NDUFA3: variants seen among roughly 807,000 people sequenced by gnomAD.
NDUFA3 encodes the protein NADH:ubiquinone oxidoreductase subunit A3.
Under a neutral mutation model 11.4 loss-of-function variants are expected in NDUFA3, and 10 were observed. That is an observed-to-expected ratio of 0.87 (90% CI 0.54 to 1.48). The LOEUF (loss-of-function observed/expected upper bound fraction) is 1.48. NDUFA3 is among the 40% of genes most tolerant of loss of function. The pLI is 0.00. For synonymous variants in NDUFA3, 39 were observed against 46.9 expected, an observed-to-expected ratio of 0.83 and a Z score of 0.68; for missense variants, 115 against 110.5, an observed-to-expected ratio of 1.04 and a Z score of -0.18.
At chr19:54,106,542 C>T (rs961626552) in intron 3 of NDUFA3, 3 of 448,542 alleles carry the variant, frequency 6.7e-6, no homozygotes, top group Non-Finnish European at 7.8e-6. Context: ...GTTTCTTGGT[C>T]TCCATCTTCT....
Position 54,105,996 on chromosome 19 carries a change from C to G in NDUFA3, c.148C>G (p.Pro50Ala), listed in dbSNP as rs587640804. The part of the protein sequence containing the change: ...KYSVMINKAT[P>A]YNYPVPVRDD... ...CTCCGTCATGATCAACAAGGCCACG[C>G]CCTACAACTACCCAGGTGAGTGGGG... is the stretch of plus-strand genomic sequence containing the variant. The change falls in exon 3 of 4, where the codon CCC becomes GCC. Residue 50 changes from proline to alanine, a missense_variant. Physicochemically the swap from Pro to Ala is conservative, Grantham distance 27 (BLOSUM62 -1). Transcript: ENST00000485876. 1.9e-6 allele frequency: 3 copies of G among 1,613,366 alleles called. No homozygotes were observed. Among genetic ancestry groups the G allele is most frequent in the Non-Finnish European group, 2.5e-6 (3 of 1,179,460 alleles).
intron 3 of NDUFA3, chr19:54,106,573 C>G (rs1471847066): frequency 4.3e-6 from 2 of 464,344 alleles, no homozygotes; most frequent in Non-Finnish European, 7.6e-6. Flanking sequence ...TCCTGTTTCC[C>G]CATCTCTTTT....
Position 54,107,305 on chromosome 19 carries a change from G to A in NDUFA3, c.*403G>A. 1 of 1,200,376 alleles carries A rather than the reference G, an allele frequency of 8.3e-7. No individual in the cohort carries two copies. Among genetic ancestry groups the A allele is most frequent in the Non-Finnish European group, 1.2e-6 (1 of 856,020 alleles). The allele number at this position is 1,200,376 out of a possible 1,614,324, so 74.4% of individuals were successfully genotyped here. ...ACTCTGTTGCCCAGGCTGGAGTGCA[G>A]TGGTGCCATCATAGTTCACTGCAGC... On this transcript the variant is annotated 3_prime_UTR_variant, in exon 4 of 4. Transcript: ENST00000485876.
rs1242109405 is a variant in NDUFA3, at chr19:54,105,933, GC to G, written c.86del (p.Ala29ValfsTer2). 2 of 1,611,936 alleles carry G rather than the reference GC, an allele frequency of 1.2e-6. No individual in the cohort carries two copies. On this transcript the variant is annotated frameshift_variant and splice_region_variant, in exon 3 of 4. Transcript: ENST00000485876. LOFTEE classifies it high-confidence loss of function. ...LVVSFVVGGL[A>X]VILPPLSPYF... ...GGCCTCACCCCTGTGTCTCTCCACA[GC>G]TGTAATTCTGCCCCCATTGAGCCCC...
At chr19:54,106,606 G>T in intron 3 of NDUFA3, 1 of 497,466 alleles carries the variant, frequency 2.0e-6, no homozygotes. Context: ...CTAGTGCGCG[G>T]GATCTCTCCC....
At chr19:54,105,884 T>C in intron 2 of NDUFA3, 50 bp from the exon 3 acceptor site, 1 of 1,506,986 alleles carries the variant, frequency 6.6e-7, no homozygotes. Context: ...TCTCTTCCCC[T>C]CTCTTCAGAG....
intron 2 of NDUFA3, 152 bp downstream of exon 2, chr19:54,103,340 T>C (rs2073149312): frequency 1.6e-5 from 12 of 757,012 alleles, no homozygotes; most frequent in Admixed American, 3.2e-5. Flanking sequence ...CCCATACCCA[T>C]TATAACCTCT....
chr19:54,106,903 G>C lies in NDUFA3; in HGVS notation c.*1G>C. 1 of 1,610,634 alleles carries C rather than the reference G, an allele frequency of 6.2e-7. No homozygotes were observed. Among genetic ancestry groups the C allele is most frequent in the Non-Finnish European group, 8.5e-7 (1 of 1,179,028 alleles). ...CCTGGAGTGGCTGAAGAAACTGTGA[G>C]CACCTCCACTGACAGAGGCGGCCCC... On this transcript the variant is annotated 3_prime_UTR_variant, in exon 4 of 4. Transcript: ENST00000485876.
At chr19:54,103,005 G>T in intron 1 of NDUFA3, 109 bp from the exon 2 acceptor site, 3 of 1,537,004 alleles carry the variant, frequency 2.0e-6, no homozygotes, top group Non-Finnish European at 2.7e-6. Flanking sequence ...TGCTGGAGGG[G>T]AACGCAGAAG....
rs748256838 is a variant in NDUFA3, at chr19:54,103,102, C to T, written c.11-12C>T. The T allele has an allele frequency of 1.9e-6, 3 of 1,611,340 alleles. No individual in the cohort carries two copies. In the South Asian group the frequency reaches 3.3e-5, roughly 18 times the overall value. On this transcript the variant is annotated splice_polypyrimidine_tract_variant and intron_variant, in intron 1 of 3. Transcript: ENST00000485876. ...CTACTTGCAGGGGTGACGCTTCTTG[C>T]CACCCCTTCAGGAGTCGGCGCCTTC...
chr19:54,106,067 GT>G (rs757426542), intron 3 of NDUFA3, 56 bp downstream of exon 3: 2 of 1,511,594 alleles, frequency 1.3e-6, no homozygotes, highest in East Asian at 4.5e-5. Flanking sequence ...CTGTGCTGGC[GT>G]AAGGGCAGTT....
chr19:54,106,458 C>T (rs748951381), intron 3 of NDUFA3: 17 of 352,438 alleles, frequency 4.8e-5, no homozygotes, highest in South Asian at 3.3e-4. Context: ...TGTGAGCCAC[C>T]GCGCCTGGCC....
intron 2 of NDUFA3, chr19:54,105,564 C>T (rs763948614): frequency 2.3e-5 from 10 of 442,494 alleles, no homozygotes; most frequent in Middle Eastern, 3.3e-4. Context: ...CCACTGTGCC[C>T]GGCCAAATTT....
Position 54,105,901 on chromosome 19 carries a change from TCCCCTGGGCCTCA to T in NDUFA3, c.86-26_86-14del, listed in dbSNP as rs2073245073. On this transcript the variant is annotated intron_variant, in intron 2 of 3. Coordinates refer to ENST00000485876, the MANE Select transcript of NDUFA3 (RefSeq NM_004542.4). ...TCTTCCCCTCTCTTCAGAGCCACCT[TCCCCTGGGCCTCA>T]CCCCTGTGTCTCTCCACAGCTGTAA... is the stretch of plus-strand genomic sequence containing the variant. 1.3e-6 allele frequency: 2 copies of T among 1,560,250 alleles called. No individual in the cohort carries two copies. Among genetic ancestry groups the T allele is most frequent in the Middle Eastern group, 1.7e-4 (1 of 5,978 alleles).
chr19:54,103,336 C>T (rs1332029242), intron 2 of NDUFA3, 148 bp downstream of exon 2: 18 of 760,256 alleles, frequency 2.4e-5, no homozygotes, highest in Non-Finnish European at 3.7e-5. Flanking sequence ...TATCCCCATA[C>T]CCATTATAAC....
chr19:54,104,941 T>C (rs681912), intron 2 of NDUFA3, among the ~76,000 whole-genome samples: 74,249 of 151,818 alleles, frequency 0.49, 18,410 homozygotes, highest in Non-Finnish European at 0.53. Context: ...TTTCATCATA[T>C]TGGTCAGGCT....
rs371677481 is a variant in NDUFA3, at chr19:54,107,393, C to T, written c.*491C>T. 179 of 574,190 alleles carry T rather than the reference C, an allele frequency of 3.1e-4. 2 individuals carry two copies. Among genetic ancestry groups the T allele is most frequent in the East Asian group, 2.4e-3 (80 of 32,866 alleles). The allele number at this position is 574,190 out of a possible 1,614,324, so 35.6% of individuals were successfully genotyped here. A position where few individuals can be genotyped will look rare whatever the true frequency, so the allele number is the denominator to read the frequency against. On this transcript the variant is annotated 3_prime_UTR_variant, in exon 4 of 4. Transcript: ENST00000485876. The stretch of plus-strand genomic sequence containing the variant: ...CTTCCCAAGTAGCTGGGACTACAGG[C>T]ACTTGCCAACCAAGCCTAACATGTT...
At chr19:54,103,425 C>T (rs1191007135) in intron 2 of NDUFA3, among the ~76,000 whole-genome samples, 2 of 152,146 alleles carry the variant, frequency 1.3e-5, no homozygotes, top group Non-Finnish European at 1.5e-5. Flanking sequence ...GTTCTCAACC[C>T]TGCTTATGCC....
chr19:54,103,561 C>T (rs1325532372), intron 2 of NDUFA3, among the ~76,000 whole-genome samples: 1 of 152,078 alleles, frequency 6.6e-6, no homozygotes. Flanking sequence ...TGTGAAAATC[C>T]CCGTATGATC....
Sources: gnomAD v4.1 joint callset for allele counts (sites outside exome capture counted in the v4.1 genomes callset) on GRCh38, gnomAD v4.1.1 for gene constraint, MANE v1.5 for transcripts, NCBI Gene and HGNC (gene_info 2026-07-23, HGNC 2026-07-21) for gene names.